The following TTBK2 variants were observed in gnomAD, a reference collection of about 807,000 sequenced individuals.
TTBK2 encodes tau-tubulin kinase 2.
A neutral mutation model predicts 110.8 loss-of-function variants in TTBK2; 28 were observed. The observed-to-expected ratio is 0.25, with a 90% confidence interval of 0.19 to 0.35. TTBK2 has a LOEUF of 0.35. Among genes scored for constraint, TTBK2 ranks in the 10% least tolerant of loss-of-function variants. The probability of loss-of-function intolerance (pLI) is 1.00; values close to 1 mark genes in which losing one functional copy is unlikely to be tolerated. For missense variants in TTBK2, 1,369 were observed against 1,500.3 expected (o/e 0.91, Z 1.45); for synonymous variants, 532 against 527.3 (o/e 1.01, Z -0.12).
chr15:42,861,204 G>A (rs1413567724), intron 3 of TTBK2, among the ~76,000 whole-genome samples: 1 of 152,168 alleles, frequency 6.6e-6, no homozygotes, highest in Non-Finnish European at 1.5e-5. Flanking sequence ...CATCAAGGCA[G>A]AAAACTAACA....
intron 4 of TTBK2, among the ~76,000 whole-genome samples, chr15:42,837,387 G>C: frequency 6.6e-6 from 1 of 151,138 alleles, no homozygotes; most frequent in Non-Finnish European, 1.5e-5. Context: ...GCCAGGCATG[G>C]TGGCTTACGC....
rs1056309097 is a variant in TTBK2, at chr15:42,874,966, A to G, written c.70-2208T>C. Reference sequence around the variant, plus strand: ...ACACCATTGCACTCCAGCCTGGGCAACAGTGTGAGACTGCCTCAAAAAAAA... The same window carrying G: ...ACACCATTGCACTCCAGCCTGGGCAGCAGTGTGAGACTGCCTCAAAAAAAA... On this transcript the variant is annotated intron_variant, in intron 2 of 14. Coordinates refer to ENST00000267890, the MANE Select transcript of TTBK2 (RefSeq NM_173500.4). 4.9e-3 allele frequency among the ~76,000 whole-genome samples: 5 copies of G among 1,024 alleles called. 1 individual carries two copies. Among genetic ancestry groups the G allele is most frequent in the African/African-American group, 9.4e-3 (5 of 530 alleles). 0.7% of individuals were successfully genotyped at this position (1,024 alleles called of 152,430 possible). A position where few individuals can be genotyped will look rare whatever the true frequency, so the allele number is the denominator to read the frequency against.
intron 3 of TTBK2, among the ~76,000 whole-genome samples, chr15:42,843,305 A>G (rs1893307658): frequency 6.6e-6 from 1 of 152,242 alleles, no homozygotes; most frequent in Non-Finnish European, 1.5e-5. Flanking sequence ...CTCTGGCGAC[A>G]GAAACTGCTT....
Position 42,848,600 on chromosome 15 carries a change from C to T in TTBK2, c.218-8167G>A, listed in dbSNP as rs556345688. ...CCACCTCCCGGGTTAAAGCGATTAT[C>T]CTGCCTCAGCCTCCCAGGTAGCTGG... On this transcript the variant is annotated intron_variant, in intron 3 of 14. Transcript: ENST00000267890. 6.6e-5 allele frequency among the ~76,000 whole-genome samples: 10 copies of T among 152,058 alleles called. No homozygotes were observed. In the South Asian group the frequency reaches 2.1e-3, roughly 32 times the overall value.
intron 2 of TTBK2, among the ~76,000 whole-genome samples, chr15:42,876,808 A>C (rs965128439): frequency 6.6e-6 from 1 of 152,190 alleles, no homozygotes; most frequent in African/African-American, 2.4e-5. Context: ...CTAGGAAAAG[A>C]AAGCCATTGA....
intron 3 of TTBK2, among the ~76,000 whole-genome samples, chr15:42,860,798 C>T (rs1595994035): frequency 6.6e-6 from 1 of 151,722 alleles, no homozygotes; most frequent in Non-Finnish European, 1.5e-5. Flanking sequence ...CCCAAGTGCA[C>T]CACCATGCCT....
At chr15:42,801,187 T>A in intron 9 of TTBK2, 1 of 1,367,488 alleles carries the variant, frequency 7.3e-7, no homozygotes. Context: ...ATATGGATAC[T>A]CATGTTCTGC....
chr15:42,913,927 T>C (rs1398134221), intron 1 of TTBK2, among the ~76,000 whole-genome samples: 1 of 151,944 alleles, frequency 6.6e-6, no homozygotes, highest in Non-Finnish European at 1.5e-5. Flanking sequence ...GAAAAATCAA[T>C]ACAGAACCTT....
chr15:42,770,727 C>T (rs1361291599), intron 13 of TTBK2, among the ~76,000 whole-genome samples: 1 of 152,210 alleles, frequency 6.6e-6, no homozygotes, highest in Non-Finnish European at 1.5e-5. Context: ...AATATACATA[C>T]ATTCAACCCT....
intron 13 of TTBK2, among the ~76,000 whole-genome samples, chr15:42,758,654 CAAAAAAA>C (rs59064527): frequency 3.0e-5 from 2 of 66,474 alleles, no homozygotes; most frequent in African/African-American, 4.9e-5. Flanking sequence ...GATTCCATCT[CAAAAAAA>C]AAAAAAAAAA....
intron 1 of TTBK2, among the ~76,000 whole-genome samples, chr15:42,903,529 A>C (rs1390372032): frequency 6.6e-6 from 1 of 152,192 alleles, no homozygotes; most frequent in Non-Finnish European, 1.5e-5. Context: ...TCACTATCTC[A>C]CTCTAAATTA....
intron 7 of TTBK2, among the ~76,000 whole-genome samples, chr15:42,815,066 T>C (rs1891882966): frequency 6.6e-6 from 1 of 152,238 alleles, no homozygotes; most frequent in African/African-American, 2.4e-5. Context: ...AAAAATAATG[T>C]ATTTTCACAG....
chr15:42,767,365 A>AG (rs1889432650), intron 13 of TTBK2, among the ~76,000 whole-genome samples: 1 of 152,222 alleles, frequency 6.6e-6, no homozygotes, highest in South Asian at 2.1e-4. Context: ...AAAGACCGCT[A>AG]GCAAGACTAA....
chr15:42,916,975 G>A (rs2031114338), intron 1 of TTBK2, among the ~76,000 whole-genome samples: 2 of 152,098 alleles, frequency 1.3e-5, no homozygotes, highest in African/African-American at 2.4e-5. Flanking sequence ...CAATAAAGAT[G>A]TTAATTCTCT....
intron 9 of TTBK2, chr15:42,800,296 T>G (rs549024345): frequency 4.5e-6 from 2 of 440,086 alleles, no homozygotes; most frequent in East Asian, 7.1e-5. Context: ...GCAGCCTACA[T>G]AGATGCTTGG....
At chr15:42,753,686 C>T (rs1340068148) in intron 13 of TTBK2, among the ~76,000 whole-genome samples, 14 of 152,318 alleles carry the variant, frequency 9.2e-5, no homozygotes, top group African/African-American at 3.4e-4. Flanking sequence ...ATTCCACTAT[C>T]CTGGCCACAG....
intron 13 of TTBK2, among the ~76,000 whole-genome samples, chr15:42,770,962 C>CT (rs948774976): frequency 2.6e-4 from 39 of 149,310 alleles, no homozygotes; most frequent in Non-Finnish European, 1.9e-4. Flanking sequence ...GGAACTATTT[C>CT]TTTTTTTTCT....
intron 1 of TTBK2, among the ~76,000 whole-genome samples, chr15:42,879,705 A>G (rs2141135198): frequency 6.6e-6 from 1 of 151,626 alleles, no homozygotes; most frequent in Non-Finnish European, 1.5e-5. Context: ...ACTCAATAGC[A>G]AAAAAAACAG....
At chr15:42,854,124 C>T (rs955901577) in intron 3 of TTBK2, among the ~76,000 whole-genome samples, 2 of 151,960 alleles carry the variant, frequency 1.3e-5, no homozygotes, top group African/African-American at 4.8e-5. Context: ...TTTGTAGAGA[C>T]AGGGTCTCTC....
Sources: gnomAD v4.1 joint callset for allele counts (sites outside exome capture counted in the v4.1 genomes callset) on GRCh38, gnomAD v4.1.1 for gene constraint, MANE v1.5 for transcripts, NCBI Gene and HGNC (gene_info 2026-07-23, HGNC 2026-07-21) for gene names.